Variants in CAMKMT observed in about 807,000 individuals in gnomAD.
CAMKMT encodes the protein CaM KMT.
CAMKMT carries 53 observed loss-of-function variants against 48.0 expected under a neutral mutation model. The observed-to-expected ratio is 1.10, with a 90% CI of 0.89 to 1.39. The LOEUF is 1.39. CAMKMT is among the 40% of genes most tolerant of loss of function. CAMKMT has a pLI of 0.00. For missense variants in CAMKMT, 428 were observed against 402.7 expected, an observed-to-expected ratio of 1.06 and a Z score of -0.54; for synonymous variants, 165 against 152.3, an observed-to-expected ratio of 1.08 and a Z score of -0.61.
intron 3 of CAMKMT, among the ~76,000 whole-genome samples, chr2:44,423,951 C>G (rs563957135): frequency 6.6e-6 from 1 of 152,188 alleles, no homozygotes; most frequent in South Asian, 2.1e-4. Flanking sequence ...TGACCACCCG[C>G]CAACATTCCT....
chr2:44,631,740 C>G (rs1466083025), intron 3 of CAMKMT: 2 of 378,982 alleles, frequency 5.3e-6, no homozygotes, highest in Non-Finnish European at 9.3e-6. Flanking sequence ...TACTATCTTG[C>G]TATTTGTTTT....
intron 3 of CAMKMT, among the ~76,000 whole-genome samples, chr2:44,600,987 A>C (rs962979698): frequency 6.6e-6 from 1 of 152,098 alleles, no homozygotes; most frequent in South Asian, 2.1e-4. Context: ...TCTAATTACC[A>C]GGTTTCTGTC....
intron 3 of CAMKMT, among the ~76,000 whole-genome samples, chr2:44,502,804 A>G (rs558447762): frequency 6.6e-6 from 1 of 152,324 alleles, no homozygotes; most frequent in African/African-American, 2.4e-5. Flanking sequence ...AAACTATTCA[A>G]TAATTATTAT....
intron 3 of CAMKMT, among the ~76,000 whole-genome samples, chr2:44,670,448 G>A (rs1298261522): frequency 2.0e-5 from 3 of 151,938 alleles, no homozygotes; most frequent in African/African-American, 7.3e-5. Context: ...TTGCACCACT[G>A]CACTCCAGAC....
chr2:44,589,913 GA>G (rs539660817), intron 3 of CAMKMT, among the ~76,000 whole-genome samples: 1,022 of 63,602 alleles, frequency 0.016, 43 homozygotes, highest in African/African-American at 0.046. Flanking sequence ...AAAAAAGAAC[GA>G]AAAAAAAAAA....
chr2:44,677,722 C>G (rs969714828), intron 3 of CAMKMT, among the ~76,000 whole-genome samples: 6 of 144,412 alleles, frequency 4.2e-5, no homozygotes, highest in African/African-American at 5.1e-5. Context: ...AAAAAAAAAG[C>G]GTATTTACTT....
At chr2:44,687,701 C>G (rs1212643981) in intron 3 of CAMKMT, among the ~76,000 whole-genome samples, 3 of 152,140 alleles carry the variant, frequency 2.0e-5, no homozygotes, top group African/African-American at 4.8e-5. Flanking sequence ...AAAATTAAAC[C>G]AGGGATTGGT....
rs114164371 is a variant in CAMKMT, at chr2:44,611,724, A to G, written c.377-92559A>G. Among the ~76,000 whole-genome samples, 467 of 152,078 alleles carry G rather than the reference A, an allele frequency of 3.1e-3. 2 individuals are homozygous for G. Among genetic ancestry groups the G allele is most frequent in the African/African-American group, 0.011 (440 of 41,510 alleles). ...AGGTTTAATTGGCTCATGGTTGTGC[A>G]GGCTTTACAGGAAGCATGGTGCCGG... On this transcript the variant is annotated intron_variant, in intron 3 of 10. Coordinates refer to ENST00000378494, the MANE Select transcript of CAMKMT (RefSeq NM_024766.5).
chr2:44,626,148 C>G (rs1572945603), intron 3 of CAMKMT, among the ~76,000 whole-genome samples: 1 of 152,096 alleles, frequency 6.6e-6, no homozygotes, highest in Admixed American at 6.5e-5. Context: ...GTCTTTTGAT[C>G]CATAATAATG....
At chr2:44,751,313 A>G (rs1384385273) in intron 8 of CAMKMT, among the ~76,000 whole-genome samples, 1 of 152,186 alleles carries the variant, frequency 6.6e-6, no homozygotes, top group African/African-American at 2.4e-5. Context: ...ATTAGATGTG[A>G]GAGGCAGTAC....
At chr2:44,538,346 C>T (rs1339083647) in intron 3 of CAMKMT, among the ~76,000 whole-genome samples, 11 of 145,316 alleles carry the variant, frequency 7.6e-5, no homozygotes, top group Middle Eastern at 3.5e-3. Context: ...CCAGCCTGGG[C>T]GACAGAGCGA....
chr2:44,636,809 C>T (rs542731533), intron 3 of CAMKMT, among the ~76,000 whole-genome samples: 1 of 152,194 alleles, frequency 6.6e-6, no homozygotes, highest in East Asian at 1.9e-4. Context: ...GGAGACGGTT[C>T]GGTTTGTTTT....
chr2:44,697,417 A>G (rs1033103786), intron 3 of CAMKMT, among the ~76,000 whole-genome samples: 2 of 152,096 alleles, frequency 1.3e-5, no homozygotes, highest in African/African-American at 4.8e-5. Flanking sequence ...AGACTAAGGC[A>G]GGTTAGAAGA....
chr2:44,469,479 T>A (rs1202670644), intron 3 of CAMKMT, among the ~76,000 whole-genome samples: 4 of 152,018 alleles, frequency 2.6e-5, no homozygotes, highest in African/African-American at 9.7e-5. Context: ...AACATTTTCT[T>A]GGATGATAAT....
At chr2:44,594,245 T>G (rs575255503) in intron 3 of CAMKMT, among the ~76,000 whole-genome samples, 1 of 152,256 alleles carries the variant, frequency 6.6e-6, no homozygotes, top group East Asian at 1.9e-4. Flanking sequence ...CCCGAAGTAA[T>G]TTATAAATTC....
At chr2:44,604,714 A>G (rs543755827) in intron 3 of CAMKMT, among the ~76,000 whole-genome samples, 2 of 151,864 alleles carry the variant, frequency 1.3e-5, no homozygotes, top group South Asian at 2.1e-4. Flanking sequence ...CTTGATTTCC[A>G]CTCTATGCTT....
At chr2:44,727,784 C>G (rs2104335969) in intron 7 of CAMKMT, among the ~76,000 whole-genome samples, 1 of 152,206 alleles carries the variant, frequency 6.6e-6, no homozygotes, top group South Asian at 2.1e-4. Context: ...TATGTTCCTT[C>G]TATGCTTAGT....
intron 3 of CAMKMT, among the ~76,000 whole-genome samples, chr2:44,488,600 G>T (rs1019827068): frequency 6.6e-6 from 1 of 152,064 alleles, no homozygotes; most frequent in African/African-American, 2.4e-5. Flanking sequence ...TACACAGGAG[G>T]CTGAGGTGGG....
In CAMKMT at chr2:44,468,808, A is replaced by G. The variant is rs896059436; in HGVS notation, c.376+78503A>G. ...GTGGTACATGCCTATAATCCTAGGT[A>G]CTCAGGAGGCTGAGGTGGGAGGATT... On this transcript the variant is annotated intron_variant, in intron 3 of 10. Coordinates refer to ENST00000378494, the MANE Select transcript of CAMKMT (RefSeq NM_024766.5). Among the ~76,000 whole-genome samples the G allele has an allele frequency of 1.3e-5, 2 of 152,062 alleles. 1 individual carries two copies. Among genetic ancestry groups the G allele is most frequent in the East Asian group, 3.9e-4 (2 of 5,188 alleles).
Sources: gnomAD v4.1 joint callset for allele counts (sites outside exome capture counted in the v4.1 genomes callset) on GRCh38, gnomAD v4.1.1 for gene constraint, MANE v1.5 for transcripts, NCBI Gene and HGNC (gene_info 2026-07-23, HGNC 2026-07-21) for gene names.